Variants in PTPRM observed in about 807,000 individuals in gnomAD.
PTPRM encodes protein tyrosine phosphatase receptor type M, also known as receptor-type tyrosine-protein phosphatase mu.
A neutral mutation model predicts 186.7 loss-of-function variants in PTPRM; 47 were observed. The observed-to-expected ratio is 0.25, with a 90% confidence interval of 0.20 to 0.32. The LOEUF (loss-of-function observed/expected upper bound fraction) is 0.32. Among genes scored for constraint, PTPRM ranks in the 10% least tolerant of loss-of-function variants. The pLI, the probability that PTPRM is intolerant of heterozygous loss-of-function variation, is 1.00. For missense variants in PTPRM, 1,494 were observed against 1,865.0 expected, an observed-to-expected ratio of 0.80 and a Z score of 3.66; for synonymous variants, 668 against 674.9, an observed-to-expected ratio of 0.99 and a Z score of 0.16.
At chr18:8,036,480 A>G (rs1048146700) in intron 7 of PTPRM, among the ~76,000 whole-genome samples, 2 of 152,224 alleles carry the variant, frequency 1.3e-5, no homozygotes, top group Admixed American at 1.3e-4. Context: ...CTCTAGCTAT[A>G]TAAGTTCCTC....
At chr18:8,089,115 G>T (rs115584922) in intron 11 of PTPRM, among the ~76,000 whole-genome samples, 2,434 of 152,284 alleles carry the variant, frequency 0.016, 62 homozygotes, top group African/African-American at 0.055. Context: ...GTCTGTTGAG[G>T]AGGTAGTTTT....
intron 14 of PTPRM, among the ~76,000 whole-genome samples, chr18:8,205,307 C>T (rs2093913009): frequency 6.6e-6 from 1 of 152,046 alleles, no homozygotes; most frequent in South Asian, 2.1e-4. Flanking sequence ...AAAAAAAACC[C>T]TGCAATGTGA....
intron 1 of PTPRM, among the ~76,000 whole-genome samples, chr18:7,766,962 A>G (rs1334457650): frequency 6.6e-6 from 1 of 152,218 alleles, no homozygotes; most frequent in African/African-American, 2.4e-5. Flanking sequence ...TAATTGAATC[A>G]GACATGTTGA....
chr18:8,346,750 C>T (rs2148291667), intron 23 of PTPRM, among the ~76,000 whole-genome samples: 1 of 151,796 alleles, frequency 6.6e-6, no homozygotes, highest in African/African-American at 2.4e-5. Flanking sequence ...GAAAAAGACC[C>T]TTTTTGTTCC....
chr18:7,997,107 G>A (rs1269756706), intron 7 of PTPRM, among the ~76,000 whole-genome samples: 1 of 152,016 alleles, frequency 6.6e-6, no homozygotes, highest in African/African-American at 2.4e-5. Context: ...AAAAGAACAA[G>A]GCTAGAGGCA....
intron 7 of PTPRM, among the ~76,000 whole-genome samples, chr18:7,957,711 C>A (rs1276564972): frequency 3.3e-5 from 5 of 152,062 alleles, no homozygotes; most frequent in Non-Finnish European, 7.4e-5. Flanking sequence ...TATGGTTCAC[C>A]CTTTCTTGAC....
intron 11 of PTPRM, among the ~76,000 whole-genome samples, chr18:8,095,460 G>A (rs1215981640): frequency 3.3e-5 from 5 of 152,122 alleles, no homozygotes; most frequent in Admixed American, 3.3e-4. Flanking sequence ...TAATCAGAGA[G>A]AGGGGTGGGA....
chr18:7,707,937 A>G (rs2144758550), intron 1 of PTPRM, among the ~76,000 whole-genome samples: 1 of 152,302 alleles, frequency 6.6e-6, no homozygotes, highest in Middle Eastern at 3.4e-3. Flanking sequence ...AGACACAGTG[A>G]TCCCAAAAGT....
intron 7 of PTPRM, among the ~76,000 whole-genome samples, chr18:7,991,397 G>T (rs2083262236): frequency 6.6e-6 from 1 of 152,104 alleles, no homozygotes; most frequent in South Asian, 2.1e-4. Flanking sequence ...AAAGAAAGGA[G>T]AGAGAGAAGG....
chr18:7,790,259 C>G (rs765704046), intron 2 of PTPRM, among the ~76,000 whole-genome samples: 14 of 152,198 alleles, frequency 9.2e-5, no homozygotes, highest in Non-Finnish European at 1.8e-4. Flanking sequence ...TAGATACGAA[C>G]AATATTTTCT....
intron 1 of PTPRM, among the ~76,000 whole-genome samples, chr18:7,734,700 G>A (rs1391882701): frequency 2.0e-5 from 3 of 152,256 alleles, no homozygotes; most frequent in East Asian, 3.9e-4. Context: ...AGTTCTACTA[G>A]CATTAATGTT....
In PTPRM at chr18:8,139,280, C is replaced by T. The variant is rs571339933; in HGVS notation, c.2168-4367C>T. On this transcript the variant is annotated intron_variant, in intron 13 of 32. Coordinates refer to ENST00000580170, the MANE Select transcript of PTPRM (RefSeq NM_001105244.2). ...AATCTGGTTGTTATCCTAACACACTCGACATCCAGTTCATCGGCAAAACTG... is the reference window on the plus strand; with the variant it reads ...AATCTGGTTGTTATCCTAACACACTTGACATCCAGTTCATCGGCAAAACTG... Among the ~76,000 whole-genome samples, 16 of 152,286 alleles carry T rather than the reference C, an allele frequency of 1.1e-4. No homozygotes were observed. In the East Asian group the frequency reaches 2.1e-3, roughly 20 times the overall value.
In PTPRM at chr18:8,390,968, TAAA is replaced by T. The variant is rs1447107882; in HGVS notation, c.4209-3507_4209-3505del. On this transcript the variant is annotated intron_variant, in intron 31 of 32. Transcript: ENST00000580170. ...ATAATAATAATAATAATAATAATAA[TAAA>T]GATGTCCCGAATAGCCAATGAGCAT... Among the ~76,000 whole-genome samples, 128 of 148,158 alleles carry T rather than the reference TAAA, an allele frequency of 8.6e-4. 1 individual carries two copies. Among genetic ancestry groups the T allele is most frequent in the African/African-American group, 3.1e-3 (123 of 39,976 alleles).
chr18:8,096,436 C>T (rs1215897036), intron 11 of PTPRM, among the ~76,000 whole-genome samples: 1 of 152,168 alleles, frequency 6.6e-6, no homozygotes. Context: ...TCTTATTGAC[C>T]AGCTGCACAG....
At chr18:7,582,765 C>T (rs1489755096) in intron 1 of PTPRM, among the ~76,000 whole-genome samples, 5 of 152,200 alleles carry the variant, frequency 3.3e-5, no homozygotes, top group East Asian at 3.9e-4. Context: ...TTGTTAACTT[C>T]GGTGAACTCA....
intron 1 of PTPRM, among the ~76,000 whole-genome samples, chr18:7,658,347 TATATATATATATACATAC>T (rs1314734315): frequency 2.7e-5 from 3 of 110,338 alleles, no homozygotes; most frequent in African/African-American, 1.5e-4. Context: ...TATATATATA[TATATATATATATACATAC>T]ACACACACAC....
In PTPRM at chr18:7,674,741, A is replaced by G. The variant is rs140896481; in HGVS notation, c.74-99408A>G. Among the ~76,000 whole-genome samples the G allele has an allele frequency of 8.0e-3, 1,215 of 152,374 alleles. 5 individuals are homozygous for G. Among genetic ancestry groups the G allele is most frequent in the Middle Eastern group, 0.02 (6 of 294 alleles). ...GAGATTTTCTTATTTTGCCCATAAC[A>G]TAGAGAATCAGACACTGGTAGAAAT... On this transcript the variant is annotated intron_variant, in intron 1 of 32. Coordinates refer to ENST00000580170, the MANE Select transcript of PTPRM (RefSeq NM_001105244.2).
At position 7,906,489 on chromosome 18, in the gene PTPRM, T is replaced by C. The variant is rs1454444490; in HGVS notation, c.469-16T>C. 23 of 1,584,818 alleles carry C rather than the reference T, an allele frequency of 1.5e-5. No individual in the cohort carries two copies. Among genetic ancestry groups the C allele is most frequent in the Non-Finnish European group, 1.9e-5 (22 of 1,153,566 alleles). On this transcript the variant is annotated splice_polypyrimidine_tract_variant and intron_variant, in intron 3 of 32. Transcript: ENST00000580170. ...ACAAAATGAATAAATAATGTAAATC[T>C]TTCTTAATTTTCCAGGTGATTTTTG...
At chr18:8,390,091 G>A (rs2095801622) in intron 31 of PTPRM, among the ~76,000 whole-genome samples, 1 of 152,240 alleles carries the variant, frequency 6.6e-6, no homozygotes, top group Non-Finnish European at 1.5e-5. Flanking sequence ...AGGAAAAGCG[G>A]TGTAATGGTA....
Sources: allele counts gnomAD v4.1 joint callset (sites outside exome capture counted in the v4.1 genomes callset), GRCh38; gene constraint gnomAD v4.1.1; transcripts MANE v1.5; gene names NCBI Gene and HGNC (gene_info 2026-07-23, HGNC 2026-07-21).